Variants in LDLRAD4 observed in about 807,000 individuals in gnomAD.
LDLRAD4 encodes the protein low-density lipoprotein receptor class A domain-containing protein 4.
Under a neutral mutation model 17.0 loss-of-function variants are expected in LDLRAD4, and 5 were observed. The observed-to-expected ratio is 0.29, with a 90% CI of 0.15 to 0.62. The LOEUF (loss-of-function observed/expected upper bound fraction) is 0.62. LDLRAD4 is among the 20% of genes least tolerant of loss of function. The pLI is 0.84. For synonymous variants in LDLRAD4, 168 were observed against 171.8 expected, an observed-to-expected ratio of 0.98 and a Z score of 0.17; for missense variants, 340 against 424.7, an observed-to-expected ratio of 0.80 and a Z score of 1.75.
intron 1 of LDLRAD4, among the ~76,000 whole-genome samples, chr18:13,354,950 A>G (rs1291334223): frequency 6.6e-6 from 1 of 152,204 alleles, no homozygotes; most frequent in African/African-American, 2.4e-5. Context: ...ACCTGTTGTC[A>G]ACACAGAGGT....
At chr18:13,608,348 G>A (rs1163525852) in intron 3 of LDLRAD4, among the ~76,000 whole-genome samples, 1 of 152,086 alleles carries the variant, frequency 6.6e-6, no homozygotes, top group Admixed American at 6.5e-5. Flanking sequence ...GAGGCAACTG[G>A]AGGGGGAGGC....
At chr18:13,589,053 C>T (rs1324490429) in intron 3 of LDLRAD4, among the ~76,000 whole-genome samples, 4 of 151,808 alleles carry the variant, frequency 2.6e-5, no homozygotes, top group African/African-American at 4.8e-5. Flanking sequence ...CTCAGCCTCC[C>T]GAGTAGCTGG....
chr18:13,270,801 A>G (rs1405492411), intron 1 of LDLRAD4, among the ~76,000 whole-genome samples: 2 of 152,264 alleles, frequency 1.3e-5, no homozygotes, highest in African/African-American at 2.4e-5. Flanking sequence ...ACAGAAGGGA[A>G]GAGAAAATGT....
intron 1 of LDLRAD4, among the ~76,000 whole-genome samples, chr18:13,222,855 A>G (rs2041539840): frequency 6.6e-6 from 1 of 152,206 alleles, no homozygotes; most frequent in Admixed American, 6.5e-5. Context: ...GGAGACCTCA[A>G]CTTTGTTCTT....
chr18:13,266,517 G>A (rs1357949556), intron 1 of LDLRAD4, among the ~76,000 whole-genome samples: 5 of 152,228 alleles, frequency 3.3e-5, no homozygotes, highest in African/African-American at 1.2e-4. Context: ...GGAGGATTCC[G>A]AGGGTCTCTG....
chr18:13,229,014 G>T (rs1398549814), intron 1 of LDLRAD4, among the ~76,000 whole-genome samples: 4 of 152,234 alleles, frequency 2.6e-5, no homozygotes, highest in African/African-American at 9.6e-5. Context: ...CTGTAACATT[G>T]TATGTTGGAG....
At chr18:13,643,385 C>T in exon 5 of LDLRAD4, 3 of 1,378,956 alleles carry the variant, frequency 2.2e-6, no homozygotes, top group Non-Finnish European at 2.8e-6. Flanking sequence ...CTTCAGACAG[C>T]GCCGCACCGC....
intron 1 of LDLRAD4, among the ~76,000 whole-genome samples, chr18:13,261,145 G>A (rs896894694): frequency 1.1e-4 from 16 of 152,206 alleles, no homozygotes; most frequent in African/African-American, 3.9e-4. Flanking sequence ...CAGGCGTGAG[G>A]AACTGATGAG....
intron 1 of LDLRAD4, among the ~76,000 whole-genome samples, chr18:13,286,526 C>T (rs1381728386): frequency 6.6e-6 from 1 of 152,192 alleles, no homozygotes; most frequent in Non-Finnish European, 1.5e-5. Context: ...TGTGTGTCAC[C>T]ATGCCCAGCT....
chr18:13,555,554 TG>T (rs5823258), intron 3 of LDLRAD4, among the ~76,000 whole-genome samples: 87,389 of 151,950 alleles, frequency 0.58, 25,417 homozygotes, highest in African/African-American at 0.6. Context: ...CTGTTTTCAT[TG>T]TAAAATGGGC....
chr18:13,236,147 C>T (rs1004545288), intron 1 of LDLRAD4, among the ~76,000 whole-genome samples: 2 of 152,132 alleles, frequency 1.3e-5, no homozygotes, highest in Non-Finnish European at 2.9e-5. Flanking sequence ...TTACTCTCTA[C>T]AGAGAGTGGT....
chr18:13,591,416 ATGTGTGTGTGTGTGTC>A (rs1179383096), intron 3 of LDLRAD4, among the ~76,000 whole-genome samples: 2 of 138,380 alleles, frequency 1.4e-5, no homozygotes, highest in Non-Finnish European at 3.1e-5. Flanking sequence ...ATGTGTGTGT[ATGTGTGTGTGTGTGTC>A]TGTGTGTGTG....
chr18:13,438,654 T>C (rs1462528610), intron 3 of LDLRAD4, among the ~76,000 whole-genome samples: 4 of 152,268 alleles, frequency 2.6e-5, no homozygotes, highest in Non-Finnish European at 5.9e-5. Context: ...CAGGAAATCA[T>C]GTATTGATTT....
chr18:13,361,347 A>G (rs1484035482), intron 1 of LDLRAD4, among the ~76,000 whole-genome samples: 1 of 152,170 alleles, frequency 6.6e-6, no homozygotes, highest in Non-Finnish European at 1.5e-5. Context: ...TCATTTTAAC[A>G]TACATAATAT....
At chr18:13,490,176 C>T (rs564317235) in intron 3 of LDLRAD4, 2 of 152,300 alleles carry the variant, frequency 1.3e-5, no homozygotes, top group Admixed American at 1.3e-4. Flanking sequence ...CTGTGGTCTG[C>T]TTATTATATT....
chr18:13,294,899 A>G (rs2046185308), intron 1 of LDLRAD4, among the ~76,000 whole-genome samples: 1 of 152,068 alleles, frequency 6.6e-6, no homozygotes, highest in South Asian at 2.1e-4. Context: ...CTTGCTGGAC[A>G]GGAACATGAA....
Position 13,261,050 on chromosome 18 carries a change from C to T in LDLRAD4, c.-466-17055C>T, listed in dbSNP as rs150402929. ...TGCTTTCCCCATCCCTCCTCTAATG[C>T]GTTCACAGCCCCCTCATTCCTCTCC... On this transcript the variant is annotated intron_variant, in intron 1 of 5. Coordinates refer to the LDLRAD4 transcript ENST00000399848. 3.5e-4 allele frequency among the ~76,000 whole-genome samples: 54 copies of T among 152,316 alleles called. No homozygotes were observed. The East Asian group carries it at 8.5e-3, about 24-fold the overall frequency.
intron 1 of LDLRAD4, among the ~76,000 whole-genome samples, chr18:13,358,462 A>G (rs949695753): frequency 2.6e-5 from 4 of 151,774 alleles, no homozygotes; most frequent in Non-Finnish European, 4.4e-5. Flanking sequence ...ATCTCCTTCC[A>G]TCTACACTGA....
intron 3 of LDLRAD4, among the ~76,000 whole-genome samples, chr18:13,581,613 T>G (rs1228121284): frequency 6.6e-6 from 1 of 152,238 alleles, no homozygotes; most frequent in Non-Finnish European, 1.5e-5. Flanking sequence ...TATTCATCCT[T>G]GTCTAAAGTT....
Sources: allele counts gnomAD v4.1 joint callset (sites outside exome capture counted in the v4.1 genomes callset), GRCh38; gene constraint gnomAD v4.1.1; transcripts MANE v1.5; gene names NCBI Gene and HGNC (gene_info 2026-07-23, HGNC 2026-07-21).